TIMELESS: variants seen among roughly 807,000 people sequenced by gnomAD.
TIMELESS encodes protein timeless homolog.
In TIMELESS, 124 loss-of-function variants were observed where a neutral mutation model predicts 164.3. That is an observed-to-expected ratio of 0.75 (90% CI 0.65 to 0.88). The LOEUF (loss-of-function observed/expected upper bound fraction) is 0.88, where lower values mean the gene tolerates loss of function less well. Ranked by LOEUF, TIMELESS falls within the 40% of genes least tolerant of loss-of-function variation. The pLI is 0.00. For missense variants in TIMELESS, 1,422 were observed against 1,491.4 expected, an observed-to-expected ratio of 0.95 and a Z score of 0.77; for synonymous variants, 564 against 563.4, an observed-to-expected ratio of 1.00 and a Z score of -0.02.
intron 7 of TIMELESS, among the ~76,000 whole-genome samples, chr12:56,432,047 G>A (rs1292490833): frequency 6.6e-6 from 1 of 151,858 alleles, no homozygotes; most frequent in Admixed American, 6.6e-5. Context: ...CTGGGCAGAG[G>A]GATGATTCAC....
At position 56,423,004 on chromosome 12, in the gene TIMELESS, G is replaced by A. The variant is rs200101234; in HGVS notation, c.2293-12C>T. 3.2e-5 allele frequency: 52 copies of A among 1,611,848 alleles called. 1 individual carries two copies. The East Asian group carries it at 1.1e-3, about 35-fold the overall frequency. On this transcript the variant is annotated splice_polypyrimidine_tract_variant and intron_variant, in intron 18 of 28. Transcript: ENST00000553532. ...AAAGTCACTAGCTCCTGTAGGAGAA[G>A]GAGGTTACTATGAGGCCTCTCTGGT...
intron 10 of TIMELESS, 138 bp downstream of exon 10, chr12:56,429,967 G>A: frequency 2.6e-6 from 2 of 758,728 alleles, no homozygotes; most frequent in Non-Finnish European, 4.1e-6. Context: ...CATCCTAACT[G>A]TATATCCTTC....
At chr12:56,427,066 C>G (rs532323002) in intron 13 of TIMELESS, among the ~76,000 whole-genome samples, 11 of 152,148 alleles carry the variant, frequency 7.2e-5, no homozygotes, top group Non-Finnish European at 1.6e-4. Flanking sequence ...CAGTGATCCT[C>G]GTGCTTCAGC....
rs1881465040 is a variant in TIMELESS at position 56,421,096 on chromosome 12, T to A, written c.2907A>T (p.Glu969Asp). The change falls in exon 24 of 29, where the codon GAA becomes GAT. Residue 969 changes from glutamate to aspartate, a missense_variant. Transcript: ENST00000553532. ...GCAGGTTTTCCTCTTCTTCCAGATC[T>A]TCCTGGCAAAAATCTTTCAGGGACT... ...GAESLKDFCQEDLEEEENLPE... is the reference protein window; with the variant it reads ...GAESLKDFCQDDLEEEENLPE... 6.2e-7 allele frequency: 1 copy of A among 1,614,040 alleles called. No homozygotes were observed. Among genetic ancestry groups the A allele is most frequent in the Non-Finnish European group, 8.5e-7 (1 of 1,180,036 alleles).
chr12:56,446,471 C>G (rs901538227), intron 1 of TIMELESS, among the ~76,000 whole-genome samples: 1 of 151,946 alleles, frequency 6.6e-6, no homozygotes, highest in African/African-American at 2.4e-5. Context: ...TTACCTCTCA[C>G]GCTTCTCTCT....
At chr12:56,435,027 G>A (rs1882024616) in intron 1 of TIMELESS, among the ~76,000 whole-genome samples, 1 of 152,094 alleles carries the variant, frequency 6.6e-6, no homozygotes, top group Non-Finnish European at 1.5e-5. Context: ...GGTCTACAGA[G>A]TCTCTGGAAA....
At chr12:56,425,486 G>T (rs567575823) in intron 13 of TIMELESS, among the ~76,000 whole-genome samples, 1 of 152,338 alleles carries the variant, frequency 6.6e-6, no homozygotes, top group African/African-American at 2.4e-5. Context: ...GAGGTCTACA[G>T]AATAAGCAGA....
intron 1 of TIMELESS, among the ~76,000 whole-genome samples, chr12:56,444,582 T>C (rs1047929979): frequency 6.6e-6 from 1 of 151,982 alleles, no homozygotes; most frequent in Non-Finnish European, 1.5e-5. Context: ...AGGCAGTATC[T>C]CAAAAGTGTA....
chr12:56,429,678 T>C (rs1881806291), intron 10 of TIMELESS, among the ~76,000 whole-genome samples: 1 of 150,686 alleles, frequency 6.6e-6, no homozygotes, highest in Non-Finnish European at 1.5e-5. Flanking sequence ...TTTTTTTTTT[T>C]TTTTGTATTT....
rs1881876146 is a variant in TIMELESS at position 56,431,424 on chromosome 12, C to G, written c.821+47G>C. The G allele has an allele frequency of 3.2e-6, 5 of 1,572,202 alleles. No homozygotes were observed. In the Admixed American group the frequency reaches 1.0e-4, roughly 31 times the overall value. On this transcript the variant is annotated intron_variant, in intron 8 of 28. Transcript: ENST00000553532. The stretch of plus-strand genomic sequence containing the variant: ...CCTTAGAATTTGCCTTCTATGCCCT[C>G]AGCATTCCATGATGTAGGAAAAAGA...
intron 26 of TIMELESS, 73 bp downstream of exon 26, chr12:56,420,496 T>TGAG (rs1229623033): frequency 1.8e-5 from 21 of 1,172,750 alleles, no homozygotes; most frequent in South Asian, 6.7e-5. Context: ...ACCATGACAG[T>TGAG]GAGGAGGAGG....
At chr12:56,445,104 GA>G (rs148074273) in intron 1 of TIMELESS, among the ~76,000 whole-genome samples, 117 of 152,098 alleles carry the variant, frequency 7.7e-4, no homozygotes, top group African/African-American at 2.5e-3. Flanking sequence ...TCTCCTCAGT[GA>G]AGAAGGCTAA....
At position 56,428,993 on chromosome 12, in the gene TIMELESS, CAGG is replaced by C; in HGVS notation, c.1191_1193del (p.Leu398del). Reference sequence around the variant, plus strand: ...TACGGACACTGAGGGTCTCAGAAACCAGGCCTGGCCGGAAGGAGGCAGCTCGGT... The same window carrying C: ...TACGGACACTGAGGGTCTCAGAAACCCCTGGCCGGAAGGAGGCAGCTCGGT... On this transcript the variant is annotated inframe_deletion, in exon 11 of 29. Transcript: ENST00000553532. 6.2e-7 allele frequency: 1 copy of C among 1,614,140 alleles called. No individual in the cohort carries two copies. Among genetic ancestry groups the C allele is most frequent in the Non-Finnish European group, 8.5e-7 (1 of 1,180,046 alleles).
Position 56,417,053 on chromosome 12 carries a change from A to C in TIMELESS, c.*663T>G, listed in dbSNP as rs948037355. The C allele has an allele frequency of 6.6e-6, 1 of 152,426 alleles. No individual in the cohort carries two copies. Among genetic ancestry groups the C allele is most frequent in the Non-Finnish European group, 1.5e-5 (1 of 68,284 alleles). 9.4% of individuals were successfully genotyped at this position (152,426 alleles called of 1,614,324 possible). A position where few individuals can be genotyped will look rare whatever the true frequency, so the allele number is the denominator to read the frequency against. On this transcript the variant is annotated 3_prime_UTR_variant, in exon 29 of 29. Transcript: ENST00000553532. ...GTCTCTTTTTACCCTAAAATTGTTA[A>C]GTTCTTCTTTCAAGAGCACAGCAGG...
chr12:56,447,013 A>ATTTT (rs763253463), intron 1 of TIMELESS, among the ~76,000 whole-genome samples: 1 of 139,424 alleles, frequency 7.2e-6, no homozygotes, highest in African/African-American at 2.7e-5. Context: ...AATTCTTTTT[A>ATTTT]TTTTTTTTTT....
At chr12:56,422,323 G>A in intron 19 of TIMELESS, 132 bp from the exon 20 acceptor site, 1 of 708,174 alleles carries the variant, frequency 1.4e-6, no homozygotes, top group South Asian at 1.8e-5. Context: ...AGCCAGCAGA[G>A]GCCTACAGTG....
At position 56,422,001 on chromosome 12, in the gene TIMELESS, T is replaced by C; in HGVS notation, c.2540A>G (p.Glu847Gly). The C allele has an allele frequency of 6.2e-7, 1 of 1,614,124 alleles. No homozygotes were observed. Among genetic ancestry groups the C allele is most frequent in the Non-Finnish European group, 8.5e-7 (1 of 1,180,008 alleles). ...AGTATTCAGGTGGGCCAAGATGGCT[T>C]CCACCACATCCTGCCCTGGCGTGGG... ...NKDVEGQDVVEAILAHLNTVP... is the reference protein window; with the variant it reads ...NKDVEGQDVVGAILAHLNTVP... The change falls in exon 21 of 29, where the codon GAA becomes GGA. Residue 847 changes from glutamate (E) to glycine (G), a missense_variant. By Grantham distance (98) the Glu-to-Gly change is moderately conservative. Transcript: ENST00000553532.
At chr12:56,435,357 T>C (rs1054821234) in intron 1 of TIMELESS, among the ~76,000 whole-genome samples, 1 of 151,734 alleles carries the variant, frequency 6.6e-6, no homozygotes, top group African/African-American at 2.4e-5. Flanking sequence ...TCATCTTCTT[T>C]TAAAAAAAAA....
chr12:56,422,969 G>C lies in TIMELESS; in HGVS notation c.2316C>G (p.Tyr772Ter). The change falls in exon 19 of 29, where the codon TAC becomes TAG. Residue 772 changes from tyrosine to a stop codon, truncating the protein, a stop_gained. Transcript: ENST00000553532. LOFTEE classifies it high-confidence loss of function. ...CCAGTGCAAAAAATTTGCCCAGGAT[G>C]TATTTGGCAAAAGTCACTAGCTCCT... ...AYKELVTFAK[Y>*]ILGKFFALAA... The C allele has an allele frequency of 6.2e-7, 1 of 1,613,926 alleles. No homozygotes were observed.
Sources: allele counts gnomAD v4.1 joint callset (sites outside exome capture counted in the v4.1 genomes callset), GRCh38; gene constraint gnomAD v4.1.1; transcripts MANE v1.5; gene names NCBI Gene and HGNC (gene_info 2026-07-23, HGNC 2026-07-21).